Variants in HADHA observed in about 807,000 individuals in gnomAD.
The protein encoded by HADHA is hydroxyacyl-CoA dehydrogenase trifunctional multienzyme complex subunit alpha, also known as trifunctional enzyme subunit alpha, mitochondrial.
In HADHA, 59 loss-of-function variants were observed where a neutral mutation model predicts 91.3. The observed-to-expected ratio is 0.65, with a 90% CI of 0.52 to 0.80. The LOEUF is 0.80. Ranked by LOEUF, HADHA falls within the 30% of genes least tolerant of loss-of-function variation. The pLI is 0.00. For missense variants in HADHA, 800 were observed against 927.6 expected (o/e 0.86, Z 1.79); for synonymous variants, 320 against 338.9 (o/e 0.94, Z 0.61).
At chr2:26,239,276 T>C (rs1390621998) in intron 1 of HADHA, 133 bp from the exon 2 acceptor site, 6 of 724,444 alleles carry the variant, frequency 8.3e-6, no homozygotes, top group Non-Finnish European at 1.5e-5. Context: ...CTAGGCCATA[T>C]GACTACTGCC....
intron 9 of HADHA, among the ~76,000 whole-genome samples, chr2:26,213,714 A>G (rs956605550): frequency 6.6e-6 from 1 of 152,156 alleles, no homozygotes; most frequent in Non-Finnish European, 1.5e-5. Flanking sequence ...ATGCTGCCTT[A>G]TATCTCTTAA....
At chr2:26,212,656 GT>G (rs1558322642) in intron 9 of HADHA, 30 bp from the exon 10 acceptor site, 1 of 1,475,104 alleles carries the variant, frequency 6.8e-7, no homozygotes, top group East Asian at 2.3e-5. Flanking sequence ...CTTGCTCAGC[GT>G]TGGAATAGAT....
chr2:26,216,228 G>A (rs1216494661), intron 7 of HADHA, among the ~76,000 whole-genome samples: 2 of 152,030 alleles, frequency 1.3e-5, no homozygotes, highest in African/African-American at 2.4e-5. Context: ...GCAATCTTGT[G>A]CAGTACTGTG....
At chr2:26,243,106 T>C (rs187664712) in intron 1 of HADHA, 33 of 152,206 alleles carry the variant, frequency 2.2e-4, no homozygotes, top group African/African-American at 8.0e-4. Flanking sequence ...AGGAAATCCA[T>C]CATCTCAATC....
intron 11 of HADHA, among the ~76,000 whole-genome samples, chr2:26,205,890 C>T (rs916352161): frequency 1.3e-5 from 2 of 151,878 alleles, no homozygotes; most frequent in Admixed American, 6.6e-5. Context: ...ATACAGCAGA[C>T]AAAGGATACT....
In HADHA at chr2:26,219,206, G is replaced by T. The variant is rs1039892607; in HGVS notation, c.677-4031C>A. On this transcript the variant is annotated intron_variant, in intron 7 of 19. Coordinates refer to ENST00000380649, the MANE Select transcript of HADHA (RefSeq NM_000182.5). ...TGCAGTGGTGTGATCTCGGCTCACT[G>T]CAACCTCCACCTCCCAGGTTCTAGT... Among the ~76,000 whole-genome samples, 3 of 151,164 alleles carry T rather than the reference G, an allele frequency of 2.0e-5. No individual in the cohort carries two copies. In the South Asian group the frequency reaches 6.3e-4, roughly 32 times the overall value.
chr2:26,213,336 C>T (rs1379666372), intron 9 of HADHA, among the ~76,000 whole-genome samples: 1 of 152,196 alleles, frequency 6.6e-6, no homozygotes, highest in Non-Finnish European at 1.5e-5. Flanking sequence ...TCTACTTTGT[C>T]TCTCCTTCGA....
At chr2:26,202,700 C>T (rs576900379) in intron 12 of HADHA, among the ~76,000 whole-genome samples, 2 of 152,314 alleles carry the variant, frequency 1.3e-5, no homozygotes, top group Non-Finnish European at 2.9e-5. Flanking sequence ...AAGATTGCAC[C>T]ATTGTGCTCT....
rs768730391 is a variant in HADHA, at chr2:26,192,464, C to T, written c.1886-40G>A. On this transcript the variant is annotated intron_variant, in intron 17 of 19. Transcript: ENST00000380649. ...AAAAGGGAGTGTTACTATTTGTTCT[C>T]AGGGAGGGAGTGTTACTATTTGTTC... 5 of 1,089,534 alleles carry T rather than the reference C, an allele frequency of 4.6e-6. No individual in the cohort carries two copies. The South Asian group carries it at 5.0e-5, about 11-fold the overall frequency. The allele number at this position is 1,089,534 out of a possible 1,614,324, so 67.5% of individuals were successfully genotyped here.
chr2:26,192,813 C>G (rs1669549193), intron 17 of HADHA, among the ~76,000 whole-genome samples: 1 of 152,176 alleles, frequency 6.6e-6, no homozygotes, highest in South Asian at 2.1e-4. Context: ...AAGCTCTGGC[C>G]TCTTCTGAAT....
In HADHA at chr2:26,230,264, GCAT is replaced by G; in HGVS notation, c.601_603del (p.Met201del). ...TCTGCACGAATGCTTCTACCAGTCA[GCAT>G]CATGTCCAAAGCAGCAGGCACACCC... is the stretch of plus-strand genomic sequence containing the variant. On this transcript the variant is annotated inframe_deletion, in exon 7 of 20. Coordinates refer to ENST00000380649, the MANE Select transcript of HADHA (RefSeq NM_000182.5). The G allele has an allele frequency of 6.2e-7, 1 of 1,613,402 alleles. No individual in the cohort carries two copies. Among genetic ancestry groups the G allele is most frequent in the South Asian group, 1.1e-5 (1 of 91,076 alleles).
At chr2:26,206,584 C>T (rs933597485) in intron 11 of HADHA, among the ~76,000 whole-genome samples, 7 of 152,078 alleles carry the variant, frequency 4.6e-5, no homozygotes, top group Admixed American at 2.0e-4. Context: ...GCATGGTTCA[C>T]GGAAGTATAC....
intron 10 of HADHA, 141 bp downstream of exon 10, chr2:26,212,429 T>C: frequency 1.4e-6 from 1 of 701,220 alleles, no homozygotes; most frequent in Non-Finnish European, 2.6e-6. Context: ...CTGAGATTAA[T>C]CATAAGAGAT....
intron 14 of HADHA, among the ~76,000 whole-genome samples, chr2:26,195,788 C>T (rs1259136867): frequency 1.3e-5 from 2 of 152,186 alleles, no homozygotes; most frequent in African/African-American, 4.8e-5. Context: ...CTGTCATCAC[C>T]TGGGAGCGTT....
intron 12 of HADHA, among the ~76,000 whole-genome samples, chr2:26,203,507 T>A (rs1669905176): frequency 6.6e-6 from 1 of 152,146 alleles, no homozygotes; most frequent in African/African-American, 2.4e-5. Context: ...ATGGAGATAG[T>A]CTGTAAAGCC....
Position 26,191,092 on chromosome 2 carries a change from G to T in HADHA, c.*158C>A. 1.4e-6 allele frequency: 1 copy of T among 715,206 alleles called. No homozygotes were observed. Among genetic ancestry groups the T allele is most frequent in the Non-Finnish European group, 2.5e-6 (1 of 402,582 alleles). 44.3% of individuals were successfully genotyped at this position (715,206 alleles called of 1,614,324 possible). Reference sequence around the variant, plus strand: ...CGAAGTCACACTTCACCAGGAGGGAGAGATGGTCTTGGCTGAAGGCACTTT... The same window carrying T: ...CGAAGTCACACTTCACCAGGAGGGATAGATGGTCTTGGCTGAAGGCACTTT... On this transcript the variant is annotated 3_prime_UTR_variant, in exon 20 of 20. Transcript: ENST00000380649.
At chr2:26,236,418 G>GTGTC (rs1670761385) in intron 4 of HADHA, among the ~76,000 whole-genome samples, 1 of 119,734 alleles carries the variant, frequency 8.4e-6, no homozygotes, top group Non-Finnish European at 1.7e-5. Flanking sequence ...GTGTGTGTGT[G>GTGTC]TGTATATACT....
At chr2:26,219,059 G>A (rs1670306810) in intron 7 of HADHA, among the ~76,000 whole-genome samples, 1 of 148,930 alleles carries the variant, frequency 6.7e-6, no homozygotes, top group African/African-American at 2.5e-5. Context: ...GGTTAAAAAT[G>A]TATACTGTAA....
chr2:26,214,653 C>A lies in HADHA; in HGVS notation c.800-92G>T. 1.3e-6 allele frequency: 1 copy of A among 774,366 alleles called. No individual in the cohort carries two copies. Among genetic ancestry groups the A allele is most frequent in the East Asian group, 2.5e-5 (1 of 40,464 alleles). 48.0% of individuals were successfully genotyped at this position (774,366 alleles called of 1,614,324 possible). On this transcript the variant is annotated intron_variant, in intron 8 of 19. Transcript: ENST00000380649. This position sits in a 1 kb window ranked among gnomAD's most constrained non-coding sequence, Gnocchi z 4.1. ...TAAACTCTATAAAAATGAAGTAATTCTAGCTATCTGCAAGAACTGCTCTTT... is the reference window on the plus strand; with the variant it reads ...TAAACTCTATAAAAATGAAGTAATTATAGCTATCTGCAAGAACTGCTCTTT...
Sources: allele counts gnomAD v4.1 joint callset (sites outside exome capture counted in the v4.1 genomes callset), GRCh38; gene constraint gnomAD v4.1.1; non-coding constraint Gnocchi (gnomAD v3.1); transcripts MANE v1.5; gene names NCBI Gene and HGNC (gene_info 2026-07-23, HGNC 2026-07-21).